RBFOX1: variants seen among roughly 807,000 people sequenced by gnomAD.
The protein encoded by RBFOX1 is RNA binding fox-1 homolog 1, also known as RNA binding protein fox-1 homolog 1.
RBFOX1 carries 8 observed loss-of-function variants against 57.7 expected under a neutral mutation model. The ratio of observed to expected loss-of-function variants is 0.14; its 90% CI spans 0.08 to 0.25. The LOEUF (loss-of-function observed/expected upper bound fraction) is 0.25. Among genes scored for constraint, RBFOX1 ranks in the 10% least tolerant of loss-of-function variants. The pLI, the probability that RBFOX1 is intolerant of heterozygous loss-of-function variation, is 1.00. For synonymous variants in RBFOX1, 326 were observed against 222.4 expected, an observed-to-expected ratio of 1.47 and a Z score of -4.15; for missense variants, 611 against 548.5, an observed-to-expected ratio of 1.11 and a Z score of -1.14.
rs564260459 is a variant in RBFOX1, at chr16:7,477,916, T to C, written c.28-40231T>C. On this transcript the variant is annotated intron_variant, in intron 4 of 15. Transcript: ENST00000550418. ...AACAAAGACATCTTAAAGCATCTTG[T>C]TGTTTATTGCTTGATCTGAACCTTT... 2.0e-5 allele frequency among the ~76,000 whole-genome samples: 3 copies of C among 152,334 alleles called. No homozygotes were observed. The South Asian group carries it at 6.2e-4, about 32-fold the overall frequency.
chr16:5,995,431 G>C (rs2060473919), intron 4 of RBFOX1, among the ~76,000 whole-genome samples: 3 of 152,118 alleles, frequency 2.0e-5, no homozygotes. Flanking sequence ...GATGGTAAGT[G>C]CTTTTATCAA....
At chr16:6,637,213 TTA>T (rs1323295431) in intron 2 of RBFOX1, among the ~76,000 whole-genome samples, 4 of 56,520 alleles carry the variant, frequency 7.1e-5, no homozygotes, top group African/African-American at 3.4e-4. Flanking sequence ...ATTATATATA[TTA>T]TATAATATAC....
At chr16:6,810,092 C>A (rs949051243) in intron 3 of RBFOX1, among the ~76,000 whole-genome samples, 3 of 149,696 alleles carry the variant, frequency 2.0e-5, no homozygotes, top group Non-Finnish European at 4.4e-5. Context: ...AGGAAGGAAA[C>A]TGGTATCTAT....
rs372177121 is a variant in RBFOX1, at chr16:7,617,957, G to T, written c.676+10619G>T. On this transcript the variant is annotated intron_variant, in intron 10 of 15. Transcript: ENST00000550418. ...GAGGGAATATGGAGGTGGTTGGTAGGGTCCCAAGCTGTTTCTCAACCTTTA... is the reference window on the plus strand; with the variant it reads ...GAGGGAATATGGAGGTGGTTGGTAGTGTCCCAAGCTGTTTCTCAACCTTTA... Among the ~76,000 whole-genome samples, 109 of 151,594 alleles carry T rather than the reference G, an allele frequency of 7.2e-4. 2 individuals are homozygous for T. The highest frequency in any genetic ancestry group is 1.3e-4 in the Non-Finnish European group (9 of 67,940).
At chr16:7,357,389 T>G (rs2097237085) in intron 4 of RBFOX1, among the ~76,000 whole-genome samples, 1 of 152,190 alleles carries the variant, frequency 6.6e-6, no homozygotes. Context: ...GAAGCATTGA[T>G]TAAGCTTAAC....
chr16:5,335,665 G>A (rs2064877406), intron 1 of RBFOX1, among the ~76,000 whole-genome samples: 1 of 152,102 alleles, frequency 6.6e-6, no homozygotes, highest in African/African-American at 2.4e-5. Flanking sequence ...TTTGTGTGTG[G>A]AGTGGCACGG....
intron 4 of RBFOX1, among the ~76,000 whole-genome samples, chr16:7,118,940 A>C (rs1013219761): frequency 7.2e-5 from 11 of 152,128 alleles, no homozygotes; most frequent in African/African-American, 2.7e-4. Flanking sequence ...CATGTGGCAG[A>C]GTGTTTCTGT....
At chr16:6,445,518 A>G (rs1597351436) in intron 2 of RBFOX1, among the ~76,000 whole-genome samples, 3 of 151,536 alleles carry the variant, frequency 2.0e-5, no homozygotes, top group South Asian at 2.1e-4. Flanking sequence ...AGCCAAGGAT[A>G]AAGTGGGAAC....
At chr16:6,354,178 C>G (rs2086881178) in intron 2 of RBFOX1, among the ~76,000 whole-genome samples, 1 of 152,084 alleles carries the variant, frequency 6.6e-6, no homozygotes, top group African/African-American at 2.4e-5. Context: ...CGAGATCATG[C>G]TAGTGCACCC....
At chr16:6,967,797 C>G (rs1188627569) in intron 3 of RBFOX1, among the ~76,000 whole-genome samples, 1 of 152,036 alleles carries the variant, frequency 6.6e-6, no homozygotes, top group East Asian at 1.9e-4. Flanking sequence ...AGCAGGTGAC[C>G]AAGCCCTGAA....
chr16:6,375,512 A>T (rs1354043366), intron 2 of RBFOX1, among the ~76,000 whole-genome samples: 1 of 151,820 alleles, frequency 6.6e-6, no homozygotes, highest in Non-Finnish European at 1.5e-5. Context: ...GGGCAGGGGG[A>T]AAATGCCAAA....
chr16:6,110,237 G>A (rs1345120420), intron 1 of RBFOX1, among the ~76,000 whole-genome samples: 3 of 128,814 alleles, frequency 2.3e-5, no homozygotes, highest in Admixed American at 1.8e-4. Flanking sequence ...TAGCTCTCTG[G>A]TACCCTGGCT....
rs936301195 is a variant in RBFOX1 at position 6,981,219 on chromosome 16, G to A, written c.-15-70838G>A. Among the ~76,000 whole-genome samples the A allele has an allele frequency of 2.6e-4, 39 of 151,862 alleles. 1 individual carries two copies. Among genetic ancestry groups the A allele is most frequent in the African/African-American group, 8.7e-4 (36 of 41,350 alleles). ...TGGTACAGATTATTTCATCACCCAG[G>A]TATTAAGCCTAGTACTCATTCATTG... On this transcript the variant is annotated intron_variant, in intron 3 of 15. Transcript: ENST00000550418.
chr16:7,271,457 G>A (rs1164938501), intron 4 of RBFOX1, among the ~76,000 whole-genome samples: 2 of 151,858 alleles, frequency 1.3e-5, no homozygotes, highest in African/African-American at 4.8e-5. Flanking sequence ...CAGGACCACT[G>A]TTGTAATTTT....
At chr16:6,456,674 G>A (rs55827065) in intron 2 of RBFOX1, among the ~76,000 whole-genome samples, 2,167 of 152,250 alleles carry the variant, frequency 0.014, 43 homozygotes, top group African/African-American at 0.049. Context: ...GTTAGAGGGC[G>A]GTTGCAGGCT....
At chr16:6,608,793 T>G (rs914256694) in intron 2 of RBFOX1, among the ~76,000 whole-genome samples, 1 of 152,196 alleles carries the variant, frequency 6.6e-6, no homozygotes, top group Non-Finnish European at 1.5e-5. Flanking sequence ...AAAACAGAAG[T>G]TGGTCATCTC....
intron 2 of RBFOX1, among the ~76,000 whole-genome samples, chr16:6,430,775 C>G (rs539742197): frequency 3.9e-5 from 6 of 152,144 alleles, no homozygotes; most frequent in African/African-American, 1.2e-4. Context: ...AGAAAGGCCA[C>G]TCTGGCTGCA....
chr16:5,280,547 A>C (rs1043470565), intron 1 of RBFOX1, among the ~76,000 whole-genome samples: 1 of 152,220 alleles, frequency 6.6e-6, no homozygotes, highest in Non-Finnish European at 1.5e-5. Flanking sequence ...AGACATCAGC[A>C]TAAAAGCTTA....
At chr16:6,022,252 CT>C (rs1158037486) in intron 1 of RBFOX1, among the ~76,000 whole-genome samples, 2 of 29,460 alleles carry the variant, frequency 6.8e-5, no homozygotes, top group African/African-American at 1.4e-4. Context: ...CTTAGCAAAT[CT>C]GTTTTTTTTT....
Sources: allele counts gnomAD v4.1 joint callset (sites outside exome capture counted in the v4.1 genomes callset), GRCh38; gene constraint gnomAD v4.1.1; transcripts MANE v1.5; gene names NCBI Gene and HGNC (gene_info 2026-07-23, HGNC 2026-07-21).